Variants in TMEM67 observed in about 807,000 individuals in gnomAD.
The protein encoded by TMEM67 is meckelin.
A neutral mutation model predicts 136.6 loss-of-function variants in TMEM67; 124 were observed. The observed-to-expected ratio is 0.91, with a 90% CI of 0.78 to 1.05. The LOEUF is 1.05. TMEM67 is among the 50% of genes least tolerant of loss of function. The probability of loss-of-function intolerance (pLI) is 0.00; values close to 1 mark genes in which losing one functional copy is unlikely to be tolerated. For missense variants in TMEM67, 1,107 were observed against 1,178.4 expected, an observed-to-expected ratio of 0.94 and a Z score of 0.89; for synonymous variants, 364 against 390.5, an observed-to-expected ratio of 0.93 and a Z score of 0.80.
intron 7 of TMEM67, 92 bp downstream of exon 7, chr8:93,772,743 C>A: frequency 1.1e-6 from 1 of 902,962 alleles, no homozygotes; most frequent in Admixed American, 2.2e-5. Context: ...TTCTAAGTAG[C>A]TATAGCTTCT....
intron 11 of TMEM67, 42 bp from the exon 12 acceptor site, chr8:93,785,180 G>C (rs1173263753): frequency 8.6e-7 from 1 of 1,157,366 alleles, no homozygotes; most frequent in African/African-American, 1.5e-5. Flanking sequence ...AGTACTTTAA[G>C]TTGCTGTTTT....
chr8:93,793,082 C>T, intron 15 of TMEM67, 116 bp from the exon 16 acceptor site: 6 of 917,630 alleles, frequency 6.5e-6, no homozygotes, highest in Non-Finnish European at 1.1e-5. Flanking sequence ...ACTCCTGTGT[C>T]CTTTCAACAT....
intron 7 of TMEM67, among the ~76,000 whole-genome samples, chr8:93,779,553 G>A (rs1813714677): frequency 6.6e-6 from 1 of 152,070 alleles, no homozygotes; most frequent in Non-Finnish European, 1.5e-5. Flanking sequence ...TGTGGATGGG[G>A]TTTTGATGTG....
chr8:93,794,246 C>T (rs555753935), intron 16 of TMEM67, among the ~76,000 whole-genome samples: 11 of 152,182 alleles, frequency 7.2e-5, no homozygotes, highest in South Asian at 2.1e-4. Flanking sequence ...TGTTATGATA[C>T]GTGCTTTTGG....
chr8:93,808,508 A>T (rs1586089395), intron 23 of TMEM67, among the ~76,000 whole-genome samples: 397 of 71,628 alleles, frequency 5.5e-3, no homozygotes, highest in Middle Eastern at 0.017. Flanking sequence ...TTATAGATGA[A>T]TATATATATT....
chr8:93,793,139 G>A, intron 15 of TMEM67, 59 bp from the exon 16 acceptor site: 1 of 1,491,874 alleles, frequency 6.7e-7, no homozygotes, highest in South Asian at 1.1e-5. Context: ...TGTTCACAGT[G>A]TTTTTGAACA....
chr8:93,800,758 G>C (rs1373258025), intron 21 of TMEM67, among the ~76,000 whole-genome samples: 1 of 152,074 alleles, frequency 6.6e-6, no homozygotes, highest in African/African-American at 2.4e-5. Flanking sequence ...AGAGTCCTCA[G>C]CTTTATAGTA....
At chr8:93,758,778 T>C in intron 3 of TMEM67, 1 of 550,418 alleles carries the variant, frequency 1.8e-6, no homozygotes, top group Non-Finnish European at 3.2e-6. Flanking sequence ...TTTAAATTTT[T>C]TGTAGAGACT....
chr8:93,823,551 A>G (rs1809070062), downstream of TMEM67, among the ~76,000 whole-genome samples: 1 of 152,136 alleles, frequency 6.6e-6, no homozygotes, highest in Admixed American at 6.6e-5. Flanking sequence ...TGAAAGGGAT[A>G]CTTTAACTGA....
At chr8:93,790,034 C>G (rs1020003848) in intron 14 of TMEM67, among the ~76,000 whole-genome samples, 5 of 151,800 alleles carry the variant, frequency 3.3e-5, no homozygotes, top group African/African-American at 1.2e-4. Context: ...ACCAAGATTG[C>G]ACCACTGCAC....
At chr8:93,803,722 T>A in intron 22 of TMEM67, 38 bp downstream of exon 22, 1 of 1,213,148 alleles carries the variant, frequency 8.2e-7, no homozygotes, top group South Asian at 1.2e-5. Context: ...ACTGTTACTT[T>A]CCCTTTTTAA....
chr8:93,829,686 G>A, the TMEM67 span, among the ~76,000 whole-genome samples: 3 of 151,980 alleles, frequency 2.0e-5, no homozygotes, highest in African/African-American at 7.3e-5. Context: ...TTATGGAACA[G>A]CACAACATCT....
At chr8:93,777,651 C>T (rs574580752) in intron 7 of TMEM67, among the ~76,000 whole-genome samples, 6 of 152,052 alleles carry the variant, frequency 3.9e-5, no homozygotes, top group African/African-American at 1.2e-4. Context: ...GTTTCCATGT[C>T]GTTGTGTGGT....
chr8:93,814,330 G>T (rs1042494104), intron 26 of TMEM67, among the ~76,000 whole-genome samples: 1 of 151,306 alleles, frequency 6.6e-6, no homozygotes, highest in South Asian at 2.1e-4. Flanking sequence ...TAGTGGAGAC[G>T]GGGTTTCACC....
At chr8:93,801,602 A>G (rs1047430736) in intron 21 of TMEM67, among the ~76,000 whole-genome samples, 1 of 151,972 alleles carries the variant, frequency 6.6e-6, no homozygotes, top group African/African-American at 2.4e-5. Context: ...GGGTTTTACC[A>G]TGTTGGCCAG....
At chr8:93,820,695 A>G (rs145811807), downstream of TMEM67, among the ~76,000 whole-genome samples, 173 of 152,362 alleles carry the variant, frequency 1.1e-3, no homozygotes, top group African/African-American at 3.9e-3. Flanking sequence ...TACAGTGCTT[A>G]GAAAAGTGCC....
At chr8:93,799,907 T>A in intron 21 of TMEM67, 149 bp downstream of exon 21, 8 of 281,834 alleles carry the variant, frequency 2.8e-5, no homozygotes, top group Middle Eastern at 1.2e-3. Context: ...GTCAGTTCTT[T>A]TTTTTTTTTT....
At chr8:93,782,291 ATAAG>A in intron 10 of TMEM67, 100 bp from the exon 11 acceptor site, 1 of 810,330 alleles carries the variant, frequency 1.2e-6, no homozygotes, top group Non-Finnish European at 2.1e-6. Context: ...GATACATTAA[ATAAG>A]TATTATGTAG....
chr8:93,797,000 A>G, intron 18 of TMEM67, 134 bp from the exon 19 acceptor site: 1 of 678,106 alleles, frequency 1.5e-6, no homozygotes, highest in Non-Finnish European at 2.7e-6. Context: ...GTGGTATTAT[A>G]ACTTCATGTG....
Sources: gnomAD v4.1 joint callset for allele counts (sites outside exome capture counted in the v4.1 genomes callset) on GRCh38, gnomAD v4.1.1 for gene constraint, MANE v1.5 for transcripts, NCBI Gene and HGNC (gene_info 2026-07-23, HGNC 2026-07-21) for gene names.